Variants in SPOCK3 observed in about 807,000 individuals in gnomAD.
SPOCK3 encodes SPARC (osteonectin), cwcv and kazal like domains proteoglycan 3, also known as testican-3.
A neutral mutation model predicts 56.6 loss-of-function variants in SPOCK3; 30 were observed. That is an observed-to-expected ratio of 0.53 (90% CI 0.40 to 0.72). The LOEUF (loss-of-function observed/expected upper bound fraction) is 0.72, where lower values mean the gene tolerates loss of function less well. Ranked by LOEUF, SPOCK3 falls within the 30% of genes least tolerant of loss-of-function variation. The probability of loss-of-function intolerance (pLI) is 0.00; values close to 1 mark genes in which losing one functional copy is unlikely to be tolerated. For synonymous variants in SPOCK3, 196 were observed against 183.3 expected, an observed-to-expected ratio of 1.07 and a Z score of -0.56; for missense variants, 527 against 530.0, an observed-to-expected ratio of 0.99 and a Z score of 0.06.
In SPOCK3 at chr4:167,207,469, G is replaced by A. The variant is rs139818176; in HGVS notation, c.189+26516C>T. On this transcript the variant is annotated intron_variant, in intron 2 of 10. Coordinates refer to ENST00000357545, the MANE Select transcript of SPOCK3 (RefSeq NM_001040159.2). ...TTTCAATTACTACATCATATGTCATGTATTTGGTGTAAAATCACTATAGCT... is the reference window on the plus strand; with the variant it reads ...TTTCAATTACTACATCATATGTCATATATTTGGTGTAAAATCACTATAGCT... Among the ~76,000 whole-genome samples the A allele has an allele frequency of 5.4e-3, 816 of 152,124 alleles. 6 individuals are homozygous for A. The highest frequency in any genetic ancestry group is 6.8e-3 in the Middle Eastern group (2 of 292).
At chr4:166,830,926 A>G (rs1745976688) in intron 6 of SPOCK3, among the ~76,000 whole-genome samples, 3 of 152,192 alleles carry the variant, frequency 2.0e-5, no homozygotes, top group Admixed American at 2.0e-4. Context: ...AATGTCATTA[A>G]AAATTATCTC....
At chr4:167,034,385 C>G (rs1012936941) in intron 3 of SPOCK3, among the ~76,000 whole-genome samples, 1 of 151,534 alleles carries the variant, frequency 6.6e-6, no homozygotes, top group African/African-American at 2.4e-5. Context: ...GGGAGAGACT[C>G]AACTGATACA....
rs1391328395 is a variant in SPOCK3, at chr4:166,733,397, T to G, written c.*1524A>C. ...GGAACAGTTCAATTTGGTTACAAGA[T>G]TCTTTATTTTGTAAACTATACATAA... On this transcript the variant is annotated 3_prime_UTR_variant, in exon 11 of 11. Coordinates refer to ENST00000357545, the MANE Select transcript of SPOCK3 (RefSeq NM_001040159.2). The G allele has an allele frequency of 6.6e-6, 1 of 151,876 alleles. No homozygotes were observed. The highest frequency in any genetic ancestry group is 1.5e-5 in the Non-Finnish European group (1 of 67,810). 9.4% of individuals were successfully genotyped at this position (151,876 alleles called of 1,614,324 possible).
At chr4:167,119,665 G>A (rs1761708387) in intron 2 of SPOCK3, 2 of 623,256 alleles carry the variant, frequency 3.2e-6, no homozygotes, top group East Asian at 5.7e-5. Context: ...TCATAGACTT[G>A]TTTGTTTGAT....
rs573996378 is a variant in SPOCK3, at chr4:167,168,869, A to T, written c.189+65116T>A. 3.9e-5 allele frequency among the ~76,000 whole-genome samples: 6 copies of T among 152,236 alleles called. No homozygotes were observed. The South Asian group carries it at 1.2e-3, about 32-fold the overall frequency. ...AAATGGTCTTGTGGGGCAGGCACAC[A>T]GCCCTGCTTCTATGTGTAGCCTAGG... On this transcript the variant is annotated intron_variant, in intron 2 of 10. Transcript: ENST00000357545.
At chr4:167,069,667 A>C (rs550514099) in intron 2 of SPOCK3, among the ~76,000 whole-genome samples, 26 of 151,948 alleles carry the variant, frequency 1.7e-4, no homozygotes, top group Non-Finnish European at 3.2e-4. Flanking sequence ...TCGGATACAC[A>C]GATACAGAAC....
intron 2 of SPOCK3, among the ~76,000 whole-genome samples, chr4:167,165,862 A>G (rs891112940): frequency 1.3e-5 from 2 of 152,026 alleles, no homozygotes; most frequent in Non-Finnish European, 2.9e-5. Flanking sequence ...TAGATATGAC[A>G]TCACCCTGAG....
chr4:166,928,554 T>C (rs1318819751), intron 4 of SPOCK3, among the ~76,000 whole-genome samples: 1 of 152,210 alleles, frequency 6.6e-6, no homozygotes, highest in African/African-American at 2.4e-5. Context: ...AATAGGCAGA[T>C]CACAGAAGAC....
At chr4:167,101,894 T>G (rs930848081) in intron 2 of SPOCK3, among the ~76,000 whole-genome samples, 3 of 151,936 alleles carry the variant, frequency 2.0e-5, no homozygotes, top group African/African-American at 7.2e-5. Context: ...GGCTGAGTTT[T>G]TTTTTTTTAG....
At chr4:167,064,307 C>G (rs1208660282) in intron 2 of SPOCK3, among the ~76,000 whole-genome samples, 4 of 151,314 alleles carry the variant, frequency 2.6e-5, no homozygotes, top group Admixed American at 6.6e-5. Flanking sequence ...TTATAGCAAT[C>G]TATACACATA....
chr4:166,969,212 T>C (rs1024179163), intron 4 of SPOCK3, among the ~76,000 whole-genome samples: 2 of 152,224 alleles, frequency 1.3e-5, no homozygotes, highest in Non-Finnish European at 2.9e-5. Context: ...GAAGAGACTT[T>C]GGACTTGGAC....
intron 4 of SPOCK3, among the ~76,000 whole-genome samples, chr4:166,980,495 G>A (rs1290376254): frequency 6.6e-6 from 1 of 152,164 alleles, no homozygotes; most frequent in African/African-American, 2.4e-5. Context: ...TGGGCCCACT[G>A]GGCTCATTCC....
At chr4:167,169,780 A>G (rs1439088192) in intron 2 of SPOCK3, among the ~76,000 whole-genome samples, 1 of 152,130 alleles carries the variant, frequency 6.6e-6, no homozygotes, top group Non-Finnish European at 1.5e-5. Context: ...CTAACCTTGA[A>G]TTGTAATAAT....
At chr4:167,027,635 G>A (rs1215688431) in intron 3 of SPOCK3, among the ~76,000 whole-genome samples, 1 of 152,002 alleles carries the variant, frequency 6.6e-6, no homozygotes, top group Non-Finnish European at 1.5e-5. Context: ...ACCGTTAACA[G>A]TCCATTACAC....
In SPOCK3 at chr4:166,906,312, G is replaced by A. The variant is rs143442973; in HGVS notation, c.474+6308C>T. Among the ~76,000 whole-genome samples, 369 of 152,044 alleles carry A rather than the reference G, an allele frequency of 2.4e-3. 2 individuals carry two copies. Among genetic ancestry groups the A allele is most frequent in the African/African-American group, 8.2e-3 (339 of 41,516 alleles). ...TCCAATGAAGTAAGATGCTATAAACGATTCTGCAACTGGTTGGCCACTTTT... is the reference window on the plus strand; with the variant it reads ...TCCAATGAAGTAAGATGCTATAAACAATTCTGCAACTGGTTGGCCACTTTT... On this transcript the variant is annotated intron_variant, in intron 5 of 10. Transcript: ENST00000357545.
At chr4:166,908,077 A>T (rs555179314) in intron 5 of SPOCK3, among the ~76,000 whole-genome samples, 1 of 152,178 alleles carries the variant, frequency 6.6e-6, no homozygotes, top group South Asian at 2.1e-4. Flanking sequence ...GTCAGAAATT[A>T]TCTACCTTTC....
At chr4:166,902,809 C>A (rs1736200094) in intron 5 of SPOCK3, among the ~76,000 whole-genome samples, 1 of 150,754 alleles carries the variant, frequency 6.6e-6, no homozygotes, top group Non-Finnish European at 1.5e-5. Flanking sequence ...TGCTATTTGG[C>A]TCTTTTAAAA....
At chr4:167,126,669 GC>G (rs947882424) in intron 2 of SPOCK3, among the ~76,000 whole-genome samples, 1 of 151,508 alleles carries the variant, frequency 6.6e-6, no homozygotes, top group African/African-American at 2.4e-5. Context: ...TTCTTCTCAG[GC>G]CCACTATACC....
chr4:167,182,868 G>GT (rs1023282967), intron 2 of SPOCK3, among the ~76,000 whole-genome samples: 10 of 152,206 alleles, frequency 6.6e-5, no homozygotes, highest in Admixed American at 2.6e-4. Context: ...TTGGCAGATT[G>GT]TAACACTGAC....
Sources: gnomAD v4.1 joint callset for allele counts (sites outside exome capture counted in the v4.1 genomes callset) on GRCh38, gnomAD v4.1.1 for gene constraint, MANE v1.5 for transcripts, NCBI Gene and HGNC (gene_info 2026-07-23, HGNC 2026-07-21) for gene names.